Variants in TBC1D20 observed in about 807,000 individuals in gnomAD.
TBC1D20 encodes the protein TBC1 domain family member 20.
A neutral mutation model predicts 41.6 loss-of-function variants in TBC1D20; 12 were observed. That is an observed-to-expected ratio of 0.29 (90% confidence interval 0.18 to 0.47). TBC1D20 has a LOEUF of 0.47. TBC1D20 is among the 20% of genes least tolerant of loss of function. TBC1D20 has a pLI of 1.00. For missense variants in TBC1D20, 421 were observed against 517.4 expected (o/e 0.81, Z 1.81); for synonymous variants, 205 against 204.8 (o/e 1.00, Z -0.01).
intron 1 of TBC1D20, among the ~76,000 whole-genome samples, chr20:456,915 T>C (rs1600343862): frequency 6.8e-6 from 1 of 148,052 alleles, no homozygotes; most frequent in Non-Finnish European, 1.5e-5. Context: ...CAAGAATATA[T>C]TCTGGATCCT....
At chr20:447,377 C>T (rs2017356262) in intron 2 of TBC1D20, among the ~76,000 whole-genome samples, 1 of 151,950 alleles carries the variant, frequency 6.6e-6, no homozygotes, top group African/African-American at 2.4e-5. Flanking sequence ...AAAGAACTTG[C>T]CTGGGCGTGG....
chr20:449,277 C>A (rs1457732238), intron 1 of TBC1D20, among the ~76,000 whole-genome samples: 2 of 68,614 alleles, frequency 2.9e-5, no homozygotes, highest in Non-Finnish European at 5.2e-5. Context: ...CTCAGCCTCC[C>A]AATACATTAA....
At chr20:456,933 ATTTTTTTTTTTT>A (rs11471255) in intron 1 of TBC1D20, among the ~76,000 whole-genome samples, 2 of 128,224 alleles carry the variant, frequency 1.6e-5, no homozygotes, top group African/African-American at 3.0e-5. Flanking sequence ...CCTTCTTTTA[ATTTTTTTTTTTT>A]TTTTTTTTGA....
rs1451221492 is a variant in TBC1D20 at position 462,314 on chromosome 20, G to A, written c.70+22C>T. 7 of 1,278,400 alleles carry A rather than the reference G, an allele frequency of 5.5e-6. No individual in the cohort carries two copies. In the Admixed American group the frequency reaches 1.9e-4, roughly 34 times the overall value. 79.2% of individuals were successfully genotyped at this position (1,278,400 alleles called of 1,614,324 possible). A position where few individuals can be genotyped will look rare whatever the true frequency, so the allele number is the denominator to read the frequency against. On this transcript the variant is annotated intron_variant, in intron 1 of 7. Coordinates refer to ENST00000354200, the MANE Select transcript of TBC1D20 (RefSeq NM_144628.4). ...GGGCCGCCCTCGCAGGCCGCTCCCG[G>A]CGCCCCGGTCGGCTTCCGTACCTGC...
intron 1 of TBC1D20, among the ~76,000 whole-genome samples, chr20:449,471 T>C (rs1195796230): frequency 7.0e-6 from 1 of 142,004 alleles, no homozygotes; most frequent in East Asian, 2.1e-4. Flanking sequence ...GGCATGCACC[T>C]GTAATCCCAG....
At chr20:458,292 T>C (rs1600344952) in intron 1 of TBC1D20, among the ~76,000 whole-genome samples, 3 of 152,142 alleles carry the variant, frequency 2.0e-5, no homozygotes, top group African/African-American at 7.2e-5. Flanking sequence ...CCATAACTCA[T>C]TTCTCTTAAG....
At position 438,782 on chromosome 20, in the gene TBC1D20, A is replaced by G. The variant is rs201100995; in HGVS notation, c.1016T>C (p.Met339Thr). Residue 339 changes from methionine (M) to threonine (T), a missense_variant, in exon 8 of 8, where the codon ATG becomes ACG. By Grantham distance (81) the Met-to-Thr change is moderately conservative. Transcript: ENST00000354200. ...TCCCCGAAACCGCTGCCGCAGCACCATATCAGGCCTCTGCTGGGCTGATGC... is the reference window on the plus strand; with the variant it reads ...TCCCCGAAACCGCTGCCGCAGCACCGTATCAGGCCTCTGCTGGGCTGATGC... The part of the protein sequence containing the change: ...ELASAQQRPD[M>T]VLRQRFRGLL... 3.5e-5 allele frequency: 56 copies of G among 1,614,222 alleles called. No individual in the cohort carries two copies. The highest frequency in any genetic ancestry group is 4.0e-5 in the Non-Finnish European group (47 of 1,180,042).
Position 445,191 on chromosome 20 carries a change from C to T in TBC1D20, c.257-61G>A, listed in dbSNP as rs944512532. ...CTGAGAAGCCAGACCAGAAGCAAAA[C>T]ATTCTGGGATGACACAAAAGGCCTA... On this transcript the variant is annotated intron_variant, in intron 2 of 7. Transcript: ENST00000354200. The T allele has an allele frequency of 3.8e-6, 5 of 1,318,810 alleles. No homozygotes were observed. In the African/African-American group the frequency reaches 4.4e-5, roughly 12 times the overall value. The allele number at this position is 1,318,810 out of a possible 1,614,324, so 81.7% of individuals were successfully genotyped here.
At chr20:461,504 C>A (rs188873812) in intron 1 of TBC1D20, among the ~76,000 whole-genome samples, 2 of 152,154 alleles carry the variant, frequency 1.3e-5, no homozygotes, top group South Asian at 2.1e-4. Context: ...GGATCACAGG[C>A]TCGAGCCTCC....
chr20:438,511 A>G lies in TBC1D20; in HGVS notation c.*75T>C. Reference sequence around the variant, plus strand: ...GGACAGAAACCCTTTTAATAAAGGAAATTCCACCCCTCCCAATCCTTCCAT... The same window carrying G: ...GGACAGAAACCCTTTTAATAAAGGAGATTCCACCCCTCCCAATCCTTCCAT... On this transcript the variant is annotated 3_prime_UTR_variant, in exon 8 of 8. Transcript: ENST00000354200. 6.6e-7 allele frequency: 1 copy of G among 1,520,628 alleles called. No individual in the cohort carries two copies. The highest frequency in any genetic ancestry group is 8.9e-7 in the Non-Finnish European group (1 of 1,122,168). 94.2% of individuals were successfully genotyped at this position (1,520,628 alleles called of 1,614,324 possible).
intron 3 of TBC1D20, among the ~76,000 whole-genome samples, chr20:443,008 G>A (rs996934341): frequency 6.6e-6 from 1 of 152,146 alleles, no homozygotes; most frequent in African/African-American, 2.4e-5. Flanking sequence ...GCTGAGGCAG[G>A]AGAATGGCAT....
chr20:450,310 T>C (rs977186373), intron 1 of TBC1D20, among the ~76,000 whole-genome samples: 5 of 151,598 alleles, frequency 3.3e-5, no homozygotes, highest in Non-Finnish European at 7.4e-5. Flanking sequence ...CACCACGCTT[T>C]GCTAATTTTT....
At chr20:455,991 G>A (rs921246696) in intron 1 of TBC1D20, among the ~76,000 whole-genome samples, 4 of 151,690 alleles carry the variant, frequency 2.6e-5, no homozygotes, top group African/African-American at 9.7e-5. Context: ...TGCCGGGCAT[G>A]GTTTTTAGTC....
intron 1 of TBC1D20, among the ~76,000 whole-genome samples, chr20:450,153 AT>A (rs1350160978): frequency 3.4e-3 from 486 of 143,120 alleles, no homozygotes; most frequent in Non-Finnish European, 2.9e-3. Flanking sequence ...TCACATAGAG[AT>A]TTTTTTTTTT....
intron 1 of TBC1D20, among the ~76,000 whole-genome samples, chr20:452,915 C>A (rs1261813701): frequency 6.6e-6 from 1 of 151,934 alleles, no homozygotes; most frequent in East Asian, 1.9e-4. Flanking sequence ...TTTGGGAGGC[C>A]GAGGCGGGCA....
Position 438,635 on chromosome 20 carries a change from T to G in TBC1D20, c.1163A>C (p.Lys388Thr), listed in dbSNP as rs764556907. 1.2e-6 allele frequency: 2 copies of G among 1,614,104 alleles called. No individual in the cohort carries two copies. Among genetic ancestry groups the G allele is most frequent in the Non-Finnish European group, 1.7e-6 (2 of 1,180,040 alleles). ...CTTAGGGGCCCATTCCAGGGCACTT[T>G]TCACCACAGCCAGTGCAGCCGCTCC... ...ALGAAALAVV[K>T]SALEWAPKFQ... is the part of the protein sequence containing the mutation. Residue 388 changes from lysine to threonine, a missense_variant, in exon 8 of 8, where the codon AAA (lysine) becomes ACA (threonine). Around this residue, in one of 3 missense-constraint regions of TBC1D20, gnomAD observed 161 missense variants for 182.7 expected, o/e 0.88. Transcript: ENST00000354200.
rs1280877779 is a variant in TBC1D20, at chr20:441,695, G to A, written c.525-6C>T. 1.2e-6 allele frequency: 2 copies of A among 1,613,354 alleles called. No individual in the cohort carries two copies. The highest frequency in any genetic ancestry group is 1.3e-5 in the African/African-American group (1 of 74,886). ...TTGTTGGATCCATAAAATCCCTGGA[G>A]GGAGACAATTCAATAAGCCTGGTTA... On this transcript the variant is annotated splice_region_variant and splice_polypyrimidine_tract_variant and intron_variant, in intron 4 of 7. Coordinates refer to ENST00000354200, the MANE Select transcript of TBC1D20 (RefSeq NM_144628.4).
intron 1 of TBC1D20, among the ~76,000 whole-genome samples, chr20:459,846 A>T (rs745380671): frequency 3.3e-5 from 5 of 152,130 alleles, no homozygotes; most frequent in Non-Finnish European, 5.9e-5. Context: ...GACACAACCC[A>T]CTATTGGCTT....
rs1423848601 is a variant in TBC1D20, at chr20:438,411, T to C, written c.*175A>G. ...GCCCCCAGGTCCCCTCTGTGTCAGGTAGGCTCTGCTACTGGCCTCTGAAGT... is the reference window on the plus strand; with the variant it reads ...GCCCCCAGGTCCCCTCTGTGTCAGGCAGGCTCTGCTACTGGCCTCTGAAGT... On this transcript the variant is annotated 3_prime_UTR_variant, in exon 8 of 8. Coordinates refer to ENST00000354200, the MANE Select transcript of TBC1D20 (RefSeq NM_144628.4). 2.3e-5 allele frequency: 16 copies of C among 703,736 alleles called. No individual in the cohort carries two copies. Among genetic ancestry groups the C allele is most frequent in the Middle Eastern group, 4.1e-4 (1 of 2,466 alleles). 43.6% of individuals were successfully genotyped at this position (703,736 alleles called of 1,614,324 possible). A position where few individuals can be genotyped will look rare whatever the true frequency, so the allele number is the denominator to read the frequency against.
Sources: allele counts gnomAD v4.1 joint callset (sites outside exome capture counted in the v4.1 genomes callset), GRCh38; gene constraint gnomAD v4.1.1; regional missense constraint gnomAD v4.1.1; transcripts MANE v1.5; gene names NCBI Gene and HGNC (gene_info 2026-07-23, HGNC 2026-07-21).